ARSF: variants seen among roughly 807,000 people sequenced by gnomAD.
ARSF encodes arylsulfatase F.
Under a neutral mutation model 35.4 loss-of-function variants are expected in ARSF, and 33 were observed. The ratio of observed to expected loss-of-function variants is 0.93; its 90% CI spans 0.71 to 1.25. ARSF has a LOEUF of 1.25. Ranked by LOEUF, ARSF falls within the 50% of genes most tolerant of loss-of-function variation. The pLI is 0.00. For missense variants in ARSF, 501 were observed against 480.2 expected (o/e 1.04, Z -0.40); for synonymous variants, 222 against 193.1 (o/e 1.15, Z -1.24).
intron 7 of ARSF, among the ~76,000 whole-genome samples, chrX:3,096,586 A>G (rs746386061): frequency 8.9e-6 from 1 of 111,922 alleles, no homozygotes; most frequent in Admixed American, 9.6e-5. Context: ...TTGGTAGAAA[A>G]CATCAAGAAA....
At position 3,084,544 on chromosome X, in the gene ARSF, C is replaced by G; in HGVS notation, c.708C>G (p.Ser236Arg). 15 of 1,211,607 alleles carry G rather than the reference C, an allele frequency of 1.2e-5. No individual in the cohort carries two copies. Among genetic ancestry groups the G allele is most frequent in the Non-Finnish European group, 1.7e-5 (15 of 895,560 alleles). Residue 236 changes from serine to arginine, a missense_variant, in exon 6 of 11, where the codon AGC becomes AGG. Ser to Arg is a moderately radical substitution (Grantham distance 110, BLOSUM62 -1). Transcript: ENST00000381127. ...IFLLGYAWFS[S>R]HTSPLYWDCL... ...TCTTGGGCTATGCTTGGTTCTCCAG[C>G]CACACGTCCCCTTTATACTGGGACT...
Position 3,103,934 on chromosome X carries a change from T to A in ARSF, c.1265+10T>A. 5.0e-6 allele frequency: 6 copies of A among 1,203,769 alleles called. No homozygotes were observed. The highest frequency in any genetic ancestry group is 6.7e-6 in the Non-Finnish European group (6 of 890,162). On this transcript the variant is annotated intron_variant, in intron 9 of 10. Coordinates refer to ENST00000381127, the MANE Select transcript of ARSF (RefSeq NM_001201539.2). ...GTCTCCCTCAGGACAGGTGATGTCA[T>A]ATAAACTGTTAACAAGAGCTTATTT...
chrX:3,084,512 A>G lies in ARSF; in HGVS notation c.676A>G (p.Ile226Val), dbSNP rs771340428. Residue 226 changes from isoleucine (I) to valine (V), a missense_variant, in exon 6 of 11, where the codon ATT becomes GTT. Physicochemically the swap from Ile to Val is conservative, Grantham distance 29 (BLOSUM62 3). Transcript: ENST00000381127. ...CCTGATCTTCTCCATGATTCTGTTT[A>G]TTTTCCTCTTGGGCTATGCTTGGTT... is the stretch of plus-strand genomic sequence containing the variant. ...WLLIFSMILF[I>V]FLLGYAWFSS... 10 of 1,208,489 alleles carry G rather than the reference A, an allele frequency of 8.3e-6. No homozygotes were observed. The South Asian group carries it at 1.8e-4, about 21-fold the overall frequency.
chrX:3,089,099 G>A (rs895319627), intron 6 of ARSF, among the ~76,000 whole-genome samples: 1 of 112,083 alleles, frequency 8.9e-6, no homozygotes, highest in Admixed American at 9.5e-5. Flanking sequence ...ATGATGTTAT[G>A]TTATCATCCT....
intron 7 of ARSF, among the ~76,000 whole-genome samples, chrX:3,095,381 A>G (rs1459756418): frequency 6.5e-5 from 7 of 108,321 alleles, no homozygotes; most frequent in Non-Finnish European, 1.1e-4. Flanking sequence ...AATTTATATT[A>G]TAGTTATATT....
chrX:3,088,221 A>G (rs899962519), intron 6 of ARSF, among the ~76,000 whole-genome samples: 2 of 111,716 alleles, frequency 1.8e-5, no homozygotes, highest in Non-Finnish European at 3.8e-5. Flanking sequence ...GAAACTCTTG[A>G]TCTGGCTAAG....
chrX:3,095,000 A>G (rs2090329756), intron 7 of ARSF, among the ~76,000 whole-genome samples: 1 of 108,351 alleles, frequency 9.2e-6, no homozygotes, highest in Non-Finnish European at 1.9e-5. Context: ...TTGATGTTAG[A>G]AAGGTACGAA....
Position 3,076,651 on chromosome X carries a change from A to G in ARSF, c.265A>G (p.Arg89Gly), listed in dbSNP as rs773727533. The G allele has an allele frequency of 2.5e-6, 3 of 1,211,684 alleles. No homozygotes were observed. The highest frequency in any genetic ancestry group is 3.4e-6 in the Non-Finnish European group (3 of 895,476). ...AAGCCGGTCCGCGTTCTTGACGGGA[A>G]GATACCCCATCCGATCAGGTGCGCA... The part of the protein sequence containing the change: ...SPSRSAFLTG[R>G]YPIRSGMVSS... Residue 89 changes from arginine (R) to glycine (G), a missense_variant, in exon 4 of 11, where the codon AGA becomes GGA. Coordinates refer to ENST00000381127, the MANE Select transcript of ARSF (RefSeq NM_001201539.2).
At chrX:3,076,765 C>T (rs1166703365) in intron 4 of ARSF, 96 bp downstream of exon 4, 6 of 1,102,118 alleles carry the variant, frequency 5.4e-6, no homozygotes, top group Non-Finnish European at 7.3e-6. Context: ...TAAAAAAGGG[C>T]TGGGCACGAT....
At chrX:3,078,184 T>G (rs140987086) in intron 4 of ARSF, among the ~76,000 whole-genome samples, 113 of 110,917 alleles carry the variant, frequency 1.0e-3, no homozygotes, top group African/African-American at 3.5e-3. Flanking sequence ...TTCTCATTAC[T>G]TTTTAATTTA....
chrX:3,074,005 A>G (rs1409196762), intron 3 of ARSF, among the ~76,000 whole-genome samples: 2 of 110,427 alleles, frequency 1.8e-5, no homozygotes, highest in African/African-American at 6.6e-5. Flanking sequence ...GACGTACATC[A>G]TACACTTTTA....
intron 3 of ARSF, 95 bp downstream of exon 3, chrX:3,072,270 T>C (rs1022479458): frequency 2.5e-5 from 23 of 905,174 alleles, no homozygotes; most frequent in Middle Eastern, 2.9e-4. Flanking sequence ...CCAAATGTAT[T>C]TGTTGGGACT....
intron 8 of ARSF, among the ~76,000 whole-genome samples, chrX:3,101,888 A>G (rs2090378787): frequency 1.8e-5 from 2 of 112,309 alleles, no homozygotes; most frequent in Admixed American, 9.5e-5. Context: ...AGTATATTTT[A>G]TCATATGTCT....
In ARSF at chrX:3,112,310, C is replaced by T. The variant is rs867531961; in HGVS notation, c.1527C>T (p.Leu509=). The change falls in exon 11 of 11, where the codon CTC becomes CTT. Residue 509 remains leucine, a synonymous_variant. Coordinates refer to ENST00000381127, the MANE Select transcript of ARSF (RefSeq NM_001201539.2). ...TYHNPPLLFD[L]SRDPSESTPL... ...ACAACCCCCCTCTGCTCTTCGATCT[C>T]TCCAGGGACCCCTCAGAGTCCACAC... 5.0e-6 allele frequency: 6 copies of T among 1,211,197 alleles called. No homozygotes were observed. The highest frequency in any genetic ancestry group is 1.8e-5 in the South Asian group (1 of 56,925).
intron 1 of ARSF, among the ~76,000 whole-genome samples, chrX:3,049,723 T>G (rs1232610404): frequency 5.6e-4 from 62 of 111,556 alleles, no homozygotes; most frequent in Middle Eastern, 4.6e-3. Flanking sequence ...TCCCCTTGGC[T>G]TGGGGATTTT....
At chrX:3,106,950 G>A (rs1452303261) in intron 9 of ARSF, among the ~76,000 whole-genome samples, 2 of 111,679 alleles carry the variant, frequency 1.8e-5, no homozygotes, top group African/African-American at 3.3e-5. Flanking sequence ...AGATGCTCCC[G>A]TCCCTGATGT....
intron 1 of ARSF, among the ~76,000 whole-genome samples, chrX:3,052,278 T>G (rs1459076894): frequency 8.9e-6 from 1 of 112,099 alleles, no homozygotes; most frequent in Non-Finnish European, 1.9e-5. Flanking sequence ...ATTTTAGTTT[T>G]CAGCAATGTA....
intron 5 of ARSF, among the ~76,000 whole-genome samples, chrX:3,081,733 C>T (rs2090203320): frequency 9.0e-6 from 1 of 111,327 alleles, no homozygotes; most frequent in Non-Finnish European, 1.9e-5. Context: ...CATAGTCTCT[C>T]ACCGTGTATC....
intron 1 of ARSF, among the ~76,000 whole-genome samples, chrX:3,064,757 CA>C (rs1326444678): frequency 1.8e-5 from 2 of 111,617 alleles, no homozygotes; most frequent in East Asian, 5.6e-4. Context: ...ACTGAGATAC[CA>C]TCTCACACCA....
Sources: gnomAD v4.1 joint callset for allele counts (sites outside exome capture counted in the v4.1 genomes callset) on GRCh38, gnomAD v4.1.1 for gene constraint, MANE v1.5 for transcripts, NCBI Gene and HGNC (gene_info 2026-07-23, HGNC 2026-07-21) for gene names.